CCNJL: variants seen among roughly 807,000 people sequenced by gnomAD.
CCNJL encodes the protein cyclin J like.
Under a neutral mutation model 33.4 loss-of-function variants are expected in CCNJL, and 33 were observed. That is an observed-to-expected ratio of 0.99 (90% confidence interval 0.75 to 1.32). The LOEUF is 1.32. CCNJL is among the 40% of genes most tolerant of loss of function. CCNJL has a pLI of 0.00. For missense variants in CCNJL, 512 were observed against 499.7 expected, an observed-to-expected ratio of 1.02 and a Z score of -0.23; for synonymous variants, 227 against 220.9, an observed-to-expected ratio of 1.03 and a Z score of -0.24.
chr5:160,253,662 T>C lies in CCNJL; in HGVS notation c.880A>G (p.Thr294Ala), dbSNP rs1484846419. The C allele has an allele frequency of 1.2e-6, 2 of 1,608,000 alleles. No individual in the cohort carries two copies. Among genetic ancestry groups the C allele is most frequent in the Non-Finnish European group, 1.7e-6 (2 of 1,176,206 alleles). Residue 294 changes from threonine to alanine, a missense_variant, in exon 6 of 6, where the codon ACC (threonine) becomes GCC (alanine). Physicochemically the swap from Thr to Ala is moderately conservative, Grantham distance 58 (BLOSUM62 0). Coordinates refer to ENST00000257536, the MANE Select transcript of CCNJL (RefSeq NM_001308173.3). ...AYPALGQPATTLAQFQTPVQD... is the reference protein window; with the variant it reads ...AYPALGQPATALAQFQTPVQD... ...ACGGGGGTCTGGAACTGTGCCAGGG[T>C]GGTCGCTGGCTGGCCGAGGGCCGGG... is the stretch of plus-strand genomic sequence containing the variant.
At chr5:160,261,776 C>T (rs1435958925) in intron 3 of CCNJL, among the ~76,000 whole-genome samples, 1 of 152,206 alleles carries the variant, frequency 6.6e-6, no homozygotes, top group African/African-American at 2.4e-5. Flanking sequence ...GGACTTCCTA[C>T]ACTTAGATTA....
intron 5 of CCNJL, 21 bp downstream of exon 5, chr5:160,255,528 G>A (rs1396514600): frequency 6.2e-7 from 1 of 1,611,820 alleles, no homozygotes; most frequent in Admixed American, 1.7e-5. Flanking sequence ...CAGAAACACA[G>A]GATTCAGGGG....
intron 2 of CCNJL, among the ~76,000 whole-genome samples, chr5:160,305,443 A>G (rs985972364): frequency 6.6e-6 from 1 of 152,194 alleles, no homozygotes; most frequent in Non-Finnish European, 1.5e-5. Flanking sequence ...AGGTCCAGGC[A>G]TGGCCACTCA....
At chr5:160,295,123 T>TC (rs1011638071) in intron 2 of CCNJL, among the ~76,000 whole-genome samples, 1 of 152,124 alleles carries the variant, frequency 6.6e-6, no homozygotes, top group Admixed American at 6.5e-5. Flanking sequence ...AAAAGGGGGT[T>TC]CCCCCCCGTA....
Position 160,259,787 on chromosome 5 carries a change from G to A in CCNJL, c.281-16C>T. ...TCGAACTTACCTGTCGGGGAGCAGG[G>A]GAAGCAGGGGTTACTGGAAGACATT... On this transcript the variant is annotated splice_polypyrimidine_tract_variant and intron_variant, in intron 3 of 5. Coordinates refer to ENST00000257536, the MANE Select transcript of CCNJL (RefSeq NM_001308173.3). 1 of 1,586,316 alleles carries A rather than the reference G, an allele frequency of 6.3e-7. No individual in the cohort carries two copies. The highest frequency in any genetic ancestry group is 1.2e-5 in the South Asian group (1 of 85,660).
At chr5:160,317,489 T>A (rs1330717482), upstream of CCNJL, among the ~76,000 whole-genome samples, 3 of 152,274 alleles carry the variant, frequency 2.0e-5, no homozygotes, top group Non-Finnish European at 4.4e-5. Context: ...AGGAGACACA[T>A]GATAAGTGTC....
At chr5:160,334,924 C>T (rs1763664449) in intron 1 of CCNJL, among the ~76,000 whole-genome samples, 1 of 152,242 alleles carries the variant, frequency 6.6e-6, no homozygotes, top group African/African-American at 2.4e-5. Context: ...TACATTCACA[C>T]TGTTGTGCAA....
At chr5:160,309,833 C>T (rs1175359767) in intron 2 of CCNJL, among the ~76,000 whole-genome samples, 1 of 152,162 alleles carries the variant, frequency 6.6e-6, no homozygotes, top group East Asian at 1.9e-4. Flanking sequence ...TGACCTTGGC[C>T]ATCAGTCCTT....
chr5:160,280,880 G>C (rs1313383720), intron 2 of CCNJL, 142 bp from the exon 3 acceptor site: 1 of 717,434 alleles, frequency 1.4e-6, no homozygotes, highest in Admixed American at 2.0e-5. Flanking sequence ...CAAGTCCCAG[G>C]ATGGCAGCCC....
In CCNJL at chr5:160,249,645, C is replaced by T. The variant is rs1249571975; in HGVS notation, c.*3733G>A. The T allele has an allele frequency of 6.6e-6, 1 of 152,034 alleles. No individual in the cohort carries two copies. The highest frequency in any genetic ancestry group is 2.4e-5 in the African/African-American group (1 of 41,372). 9.4% of individuals were successfully genotyped at this position (152,034 alleles called of 1,614,324 possible). ...GGGTATGGTGACAGGTGCCTGTAGT[C>T]CCAGCTACTCAGGAGGCTGAGGTGG... On this transcript the variant is annotated 3_prime_UTR_variant, in exon 6 of 6. Coordinates refer to ENST00000257536, the MANE Select transcript of CCNJL (RefSeq NM_001308173.3).
At chr5:160,305,577 G>T (rs770007539) in intron 2 of CCNJL, among the ~76,000 whole-genome samples, 14 of 152,186 alleles carry the variant, frequency 9.2e-5, no homozygotes, top group Admixed American at 9.2e-4. Context: ...GTTGGAGAGC[G>T]CCAGAAAACA....
At chr5:160,294,474 C>T (rs1220984127) in intron 2 of CCNJL, among the ~76,000 whole-genome samples, 1 of 152,194 alleles carries the variant, frequency 6.6e-6, no homozygotes, top group African/African-American at 2.4e-5. Context: ...TCCAAGCACA[C>T]CTCCTCATTC....
At chr5:160,284,434 A>G (rs1762341437) in intron 2 of CCNJL, among the ~76,000 whole-genome samples, 2 of 150,358 alleles carry the variant, frequency 1.3e-5, no homozygotes, top group Admixed American at 1.3e-4. Flanking sequence ...AAAAAACAAG[A>G]CAGACGTTAT....
intron 3 of CCNJL, among the ~76,000 whole-genome samples, chr5:160,265,550 G>A (rs963044208): frequency 7.2e-5 from 11 of 151,968 alleles, no homozygotes; most frequent in East Asian, 3.9e-4. Context: ...AGGCAGAATC[G>A]CTTGAACCTG....
chr5:160,285,240 T>TA, intron 2 of CCNJL, among the ~76,000 whole-genome samples: 2 of 152,342 alleles, frequency 1.3e-5, no homozygotes, highest in Middle Eastern at 6.8e-3. Context: ...CAGCTTAACT[T>TA]CTTTAAGGAA....
chr5:160,329,566 A>G (rs865915112), intron 1 of CCNJL, among the ~76,000 whole-genome samples: 2 of 151,886 alleles, frequency 1.3e-5, no homozygotes, highest in South Asian at 2.1e-4. Flanking sequence ...AGCCAGGATG[A>G]TCTCGATCTC....
At chr5:160,331,310 G>A (rs190983938) in intron 1 of CCNJL, among the ~76,000 whole-genome samples, 5,113 of 147,632 alleles carry the variant, frequency 0.035, 279 homozygotes, top group African/African-American at 0.12. Context: ...TGCAAGCTCT[G>A]CCTCCCGGGT....
At chr5:160,254,240 C>T (rs1397991895) in intron 5 of CCNJL, 1 of 534,532 alleles carries the variant, frequency 1.9e-6, no homozygotes, top group Non-Finnish European at 3.3e-6. Context: ...CCAGGCAATT[C>T]TGGGCCAGCT....
Position 160,258,733 on chromosome 5 carries a change from TG to T in CCNJL, c.583+735del, listed in dbSNP as rs577519398. On this transcript the variant is annotated intron_variant, in intron 4 of 5. Coordinates refer to ENST00000257536, the MANE Select transcript of CCNJL (RefSeq NM_001308173.3). ...ACAAAAAAAAGACAGAGTCTCGCTCTGTTGCCAGGCTGGAGTGCAGTGGCGC... is the reference window on the plus strand; with the variant it reads ...ACAAAAAAAAGACAGAGTCTCGCTCTTTGCCAGGCTGGAGTGCAGTGGCGC... 136 of 675,138 alleles carry T rather than the reference TG, an allele frequency of 2.0e-4. 1 individual carries two copies. The East Asian group carries it at 3.8e-3, about 19-fold the overall frequency. 41.8% of individuals were successfully genotyped at this position (675,138 alleles called of 1,614,324 possible).
Sources: allele counts gnomAD v4.1 joint callset (sites outside exome capture counted in the v4.1 genomes callset), GRCh38; gene constraint gnomAD v4.1.1; transcripts MANE v1.5; gene names NCBI Gene and HGNC (gene_info 2026-07-23, HGNC 2026-07-21).